PHF14: variants seen among roughly 807,000 people sequenced by gnomAD.
PHF14 encodes the protein PHD finger protein 14.
Under a neutral mutation model 117.9 loss-of-function variants are expected in PHF14, and 55 were observed. The ratio of observed to expected loss-of-function variants is 0.47; its 90% confidence interval spans 0.38 to 0.58. The LOEUF is 0.58. Among genes scored for constraint, PHF14 ranks in the 20% least tolerant of loss-of-function variants. The pLI is 0.00. For missense variants in PHF14, 978 were observed against 1,122.2 expected (o/e 0.87, Z 1.84); for synonymous variants, 409 against 368.6 (o/e 1.11, Z -1.26).
Position 10,991,311 on chromosome 7 carries a change from G to A in PHF14, c.1045+464G>A, listed in dbSNP as rs1782440047. On this transcript the variant is annotated intron_variant, in intron 4 of 17. Coordinates refer to ENST00000634607, the MANE Select transcript of PHF14 (RefSeq NM_001007157.2). Reference sequence around the variant, plus strand: ...TTCTGCCTCAGCCTCTTAAGTAGCTGGGATTACAGGCACGAGCCACCATGC... The same window carrying A: ...TTCTGCCTCAGCCTCTTAAGTAGCTAGGATTACAGGCACGAGCCACCATGC... 1.3e-5 allele frequency among the ~76,000 whole-genome samples: 2 copies of A among 152,162 alleles called. 1 individual carries two copies. The highest frequency in any genetic ancestry group is 1.3e-4 in the Admixed American group (2 of 15,276).
intron 17 of PHF14, among the ~76,000 whole-genome samples, chr7:11,135,947 A>G (rs1391627333): frequency 2.0e-5 from 3 of 152,232 alleles, no homozygotes; most frequent in Non-Finnish European, 2.9e-5. Context: ...AAACTGATAA[A>G]GAATTAATAT....
chr7:11,006,653 G>A (rs549908763), intron 4 of PHF14: 1 of 617,108 alleles, frequency 1.6e-6, no homozygotes, highest in Non-Finnish European at 3.1e-6. Flanking sequence ...TGATGGTATA[G>A]TAGTCAAGCT....
intron 16 of PHF14, among the ~76,000 whole-genome samples, chr7:11,083,172 A>T (rs956968804): frequency 6.6e-6 from 1 of 152,208 alleles, no homozygotes. Flanking sequence ...TGCGTCAGGG[A>T]TAAAAACTTT....
At chr7:11,104,862 T>C in intron 16 of PHF14, 1 of 952,050 alleles carries the variant, frequency 1.1e-6, no homozygotes, top group Non-Finnish European at 1.3e-6. Flanking sequence ...TTAAGAACCA[T>C]TCATAGGTAG....
chr7:11,025,575 C>CGAGATGAG (rs1783878321), intron 6 of PHF14, among the ~76,000 whole-genome samples: 3 of 151,980 alleles, frequency 2.0e-5, no homozygotes, highest in Admixed American at 2.0e-4. Context: ...GGGTGGATCA[C>CGAGATGAG]GAGATCAGGA....
At chr7:11,087,003 A>G (rs1173234397) in intron 16 of PHF14, among the ~76,000 whole-genome samples, 2 of 152,296 alleles carry the variant, frequency 1.3e-5, no homozygotes, top group African/African-American at 4.8e-5. Context: ...GGTAATATCA[A>G]GTCAGTTAAA....
chr7:10,974,152 A>C lies in PHF14; in HGVS notation c.-172A>C. 1.7e-6 allele frequency: 1 copy of C among 605,380 alleles called. No individual in the cohort carries two copies. Among genetic ancestry groups the C allele is most frequent in the Non-Finnish European group, 3.0e-6 (1 of 337,070 alleles). The allele number at this position is 605,380 out of a possible 1,614,324, so 37.5% of individuals were successfully genotyped here. ...GGCGAGGCCGGGGGGGCGGGGGGTTAGGGGACCGCGGGGCTACTCTTGGGA... is the reference window on the plus strand; with the variant it reads ...GGCGAGGCCGGGGGGGCGGGGGGTTCGGGGACCGCGGGGCTACTCTTGGGA... On this transcript the variant is annotated 5_prime_UTR_variant, in exon 1 of 18. Transcript: ENST00000634607.
At chr7:10,975,904 A>G (rs1377213257) in intron 2 of PHF14, among the ~76,000 whole-genome samples, 1 of 152,170 alleles carries the variant, frequency 6.6e-6, no homozygotes, top group Admixed American at 6.5e-5. Context: ...GTAGGAAGGG[A>G]TGAACGAAAT....
intron 4 of PHF14, among the ~76,000 whole-genome samples, chr7:11,005,456 C>T (rs942013511): frequency 6.6e-6 from 1 of 152,176 alleles, no homozygotes; most frequent in African/African-American, 2.4e-5. Flanking sequence ...TAAGAAGGCC[C>T]TTGTGTATAC....
chr7:11,148,978 A>G (rs987321909), intron 17 of PHF14, among the ~76,000 whole-genome samples: 1 of 152,080 alleles, frequency 6.6e-6, no homozygotes, highest in Non-Finnish European at 1.5e-5. Context: ...ATTTTTGTTT[A>G]TTTAAACCCA....
chr7:11,015,638 A>G (rs1240479626), intron 5 of PHF14, among the ~76,000 whole-genome samples: 17 of 152,100 alleles, frequency 1.1e-4, no homozygotes, highest in Non-Finnish European at 8.8e-5. Context: ...TTTCCTTAGC[A>G]GTGTTGAGAA....
intron 13 of PHF14, among the ~76,000 whole-genome samples, chr7:11,045,339 A>G (rs1392601438): frequency 1.3e-5 from 2 of 152,010 alleles, no homozygotes; most frequent in Admixed American, 6.6e-5. Context: ...CTGGACTCTT[A>G]TTTCATGACT....
At chr7:11,088,418 GCA>G (rs150354024) in intron 16 of PHF14, among the ~76,000 whole-genome samples, 4 of 150,550 alleles carry the variant, frequency 2.7e-5, no homozygotes, top group African/African-American at 7.3e-5. Flanking sequence ...ACACACACAC[GCA>G]CACACACACA....
chr7:10,974,849 A>C lies in PHF14; in HGVS notation c.16A>C (p.Lys6Gln). MDRSS[K>Q]RRQVKPLAAS... ...TCTCTTCACAGTGGATCGCAGCTCC[A>C]AGAGGAGGCAGGTGAAGCCTTTGGC... Residue 6 changes from lysine (K) to glutamine (Q), a missense_variant, in exon 2 of 18, where the codon AAG (lysine) becomes CAG (glutamine). This residue lies in a region of PHF14 where 414 missense variants were observed against 376.4 expected (regional missense o/e 1.10). Coordinates refer to ENST00000634607, the MANE Select transcript of PHF14 (RefSeq NM_001007157.2). The C allele has an allele frequency of 6.3e-7, 1 of 1,576,594 alleles. No individual in the cohort carries two copies. Among genetic ancestry groups the C allele is most frequent in the Non-Finnish European group, 8.6e-7 (1 of 1,156,170 alleles).
intron 4 of PHF14, among the ~76,000 whole-genome samples, chr7:11,008,197 T>A (rs1783193217): frequency 6.6e-6 from 1 of 152,232 alleles, no homozygotes. Flanking sequence ...TTCCCCCTAT[T>A]TATTTTTCAG....
intron 16 of PHF14, among the ~76,000 whole-genome samples, chr7:11,090,614 A>G (rs1204991794): frequency 6.6e-6 from 1 of 152,182 alleles, no homozygotes; most frequent in East Asian, 1.9e-4. Flanking sequence ...CTTTTTCCAA[A>G]GCTTGTAACT....
intron 7 of PHF14, among the ~76,000 whole-genome samples, chr7:11,034,363 C>T (rs1329310026): frequency 6.6e-6 from 1 of 151,958 alleles, no homozygotes; most frequent in Non-Finnish European, 1.5e-5. Context: ...TTTTGTACTA[C>T]ATCTTTACAA....
At chr7:10,990,072 A>G (rs566035531) in intron 3 of PHF14, among the ~76,000 whole-genome samples, 89 of 151,152 alleles carry the variant, frequency 5.9e-4, no homozygotes, top group African/African-American at 2.1e-3. Flanking sequence ...TATTTTCTGT[A>G]TCTCTGTGTA....
intron 4 of PHF14, among the ~76,000 whole-genome samples, chr7:10,991,581 A>G (rs911313818): frequency 2.6e-4 from 40 of 152,122 alleles, no homozygotes; most frequent in African/African-American, 9.4e-4. Flanking sequence ...AAGTGCTGGG[A>G]TTACAGGCGT....
Sources: gnomAD v4.1 joint callset for allele counts (sites outside exome capture counted in the v4.1 genomes callset) on GRCh38, gnomAD v4.1.1 for gene constraint, gnomAD v4.1.1 regional missense constraint, MANE v1.5 for transcripts, NCBI Gene and HGNC (gene_info 2026-07-23, HGNC 2026-07-21) for gene names.